The following GNG7 variants were observed in gnomAD, a reference collection of about 807,000 sequenced individuals.
GNG7 encodes the protein guanine nucleotide-binding protein G(I)/G(S)/G(O) subunit gamma-7.
GNG7 carries 1 observed loss-of-function variant against 4.0 expected under a neutral mutation model. The observed-to-expected ratio is 0.25, with a 90% CI of 0.09 to 1.18. The LOEUF is 1.18. GNG7 is among the 50% of genes most tolerant of loss of function. GNG7 has a pLI of 0.50. For missense variants in GNG7, 86 were observed against 91.9 expected, an observed-to-expected ratio of 0.94 and a Z score of 0.26; for synonymous variants, 34 against 36.9, an observed-to-expected ratio of 0.92 and a Z score of 0.29.
chr19:2,642,794 A>G (rs1217300203), intron 2 of GNG7: 1 of 456,778 alleles, frequency 2.2e-6, no homozygotes, highest in Non-Finnish European at 4.4e-6. Flanking sequence ...GCGCCCGGCC[A>G]GAACTGAATG....
intron 2 of GNG7, among the ~76,000 whole-genome samples, chr19:2,558,232 T>G (rs1265830061): frequency 1.0e-5 from 1 of 99,668 alleles, no homozygotes. Flanking sequence ...GGCACCGTGT[T>G]TTTTTGTTTT....
In GNG7 at chr19:2,587,050, G is replaced by A. The variant is rs537080082; in HGVS notation, c.-77-31862C>T. Among the ~76,000 whole-genome samples, 8 of 150,542 alleles carry A rather than the reference G, an allele frequency of 5.3e-5. No individual in the cohort carries two copies. In the East Asian group the frequency reaches 1.4e-3, roughly 26 times the overall value. ...ATCATAATGACAGTGGAGAATCCTG[G>A]CATCCACTACCACGCAACACCACAT... On this transcript the variant is annotated intron_variant, in intron 2 of 4. Transcript: ENST00000382159.
Position 2,600,072 on chromosome 19 carries a change from T to C in GNG7, c.-77-44884A>G, listed in dbSNP as rs549664382. Among the ~76,000 whole-genome samples, 4 of 151,346 alleles carry C rather than the reference T, an allele frequency of 2.6e-5. No homozygotes were observed. In the East Asian group the frequency reaches 7.7e-4, roughly 29 times the overall value. ...ATAAAGCTGTCATATAAAATAAATA[T>C]ATATAAATATGATGCCAAAATATAT... On this transcript the variant is annotated intron_variant, in intron 2 of 4. Transcript: ENST00000382159.
chr19:2,540,665 A>T (rs1978930093), intron 3 of GNG7, among the ~76,000 whole-genome samples: 1 of 151,952 alleles, frequency 6.6e-6, no homozygotes. Flanking sequence ...AGAAGTCCAA[A>T]CCTGCCTGGC....
rs372660514 is a variant in GNG7, at chr19:2,609,366, T to C, written c.-78+36858A>G. Among the ~76,000 whole-genome samples the C allele has an allele frequency of 1.7e-3, 258 of 152,224 alleles. No homozygotes were observed. The highest frequency in any genetic ancestry group is 5.9e-3 in the African/African-American group (246 of 41,542). ...TAAAGTGTTATTTCATCTTGGTCGC[T>C]GAGGTTTTTTAGCGCCCCCTTCAAT... is the stretch of plus-strand genomic sequence containing the variant. On this transcript the variant is annotated intron_variant, in intron 2 of 4. Transcript: ENST00000382159. The surrounding 1 kb of genome is among the most constrained non-coding windows in gnomAD (Gnocchi z 4.4).
intron 2 of GNG7, among the ~76,000 whole-genome samples, chr19:2,575,527 GCACACGCAGA>G (rs372801857): frequency 8.7e-4 from 123 of 141,392 alleles, no homozygotes; most frequent in African/African-American, 3.1e-3. Context: ...ACACACGCAG[GCACACGCAGA>G]CAGGCAGGCA....
intron 2 of GNG7, among the ~76,000 whole-genome samples, chr19:2,591,083 G>A (rs1428889562): frequency 1.3e-5 from 2 of 152,166 alleles, no homozygotes; most frequent in Admixed American, 6.5e-5. Context: ...AGTTGAGCAC[G>A]ATATAAGTAT....
intron 2 of GNG7, among the ~76,000 whole-genome samples, chr19:2,565,538 T>G (rs980947155): frequency 6.7e-6 from 1 of 148,524 alleles, no homozygotes; most frequent in Non-Finnish European, 1.5e-5. Flanking sequence ...AAACAAAAGC[T>G]GTTTGCGTCA....
rs192699412 is a variant in GNG7 at position 2,631,738 on chromosome 19, G to A, written c.-78+14486C>T. ...AGGGCCAGACTGGGCCTGGGGTGGG[G>A]GCACAGCATGTCTGTGGCTGTATGC... On this transcript the variant is annotated intron_variant, in intron 2 of 4. Transcript: ENST00000382159. Among the ~76,000 whole-genome samples, 423 of 152,218 alleles carry A rather than the reference G, an allele frequency of 2.8e-3. 1 individual carries two copies. Among genetic ancestry groups the A allele is most frequent in the African/African-American group, 9.8e-3 (407 of 41,532 alleles).
intron 1 of GNG7, among the ~76,000 whole-genome samples, chr19:2,665,472 C>A (rs1983286939): frequency 6.6e-6 from 1 of 151,808 alleles, no homozygotes; most frequent in South Asian, 2.1e-4. Context: ...GGAAGAGGGC[C>A]ATGCGGGACA....
rs1979118009 is a variant in GNG7 at position 2,546,146 on chromosome 19, C to T, written c.-38+9003G>A. ...ACCAGGACGCCAAAGAGGGGACCCA[C>T]GCAGAGCCCGGGGAGCCCGACTGAA... is the stretch of plus-strand genomic sequence containing the variant. On this transcript the variant is annotated intron_variant, in intron 3 of 4. Coordinates refer to ENST00000382159, the MANE Select transcript of GNG7 (RefSeq NM_052847.3). The surrounding 1 kb of genome is among the most constrained non-coding windows in gnomAD (Gnocchi z 6.3). Among the ~76,000 whole-genome samples, 1 of 152,316 alleles carries T rather than the reference C, an allele frequency of 6.6e-6. No homozygotes were observed. Among genetic ancestry groups the T allele is most frequent in the South Asian group, 2.1e-4 (1 of 4,824 alleles).
At chr19:2,663,442 G>C (rs551132519) in intron 1 of GNG7, among the ~76,000 whole-genome samples, 1 of 151,190 alleles carries the variant, frequency 6.6e-6, no homozygotes, top group Non-Finnish European at 1.5e-5. Flanking sequence ...CTCACCAGAT[G>C]CCAGCACCTC....
At chr19:2,589,795 A>G (rs745918969) in intron 2 of GNG7, among the ~76,000 whole-genome samples, 9 of 152,166 alleles carry the variant, frequency 5.9e-5, no homozygotes, top group Non-Finnish European at 7.4e-5. Context: ...AAAAGGCCAC[A>G]CAGTGTGTGA....
chr19:2,657,399 T>TATATATATATATATATATAC (rs1332253018), intron 1 of GNG7, among the ~76,000 whole-genome samples: 2 of 80,738 alleles, frequency 2.5e-5, no homozygotes, highest in East Asian at 2.5e-4. Context: ...TATATATATA[T>TATATATATATATATATATAC]ACACATAATA....
At chr19:2,702,417 T>C in intron 1 of GNG7, among the ~76,000 whole-genome samples, 1 of 50,980 alleles carries the variant, frequency 2.0e-5, no homozygotes, top group African/African-American at 8.0e-5. Context: ...GCAGTCCCAA[T>C]CCCCAACCCC....
In GNG7 at chr19:2,702,627, G is replaced by C. The variant is rs1378351106; in HGVS notation, c.-135+19C>G. 1 of 151,706 alleles carries C rather than the reference G, an allele frequency of 6.6e-6. No individual in the cohort carries two copies. The highest frequency in any genetic ancestry group is 1.5e-5 in the Non-Finnish European group (1 of 67,802). The allele number at this position is 151,706 out of a possible 1,614,324, so 9.4% of individuals were successfully genotyped here. ...GCCGCGCCCTCACTTCCCCTGGCCC[G>C]GTTCGCGGGCGCCCTTACCTGCGCT... is the stretch of plus-strand genomic sequence containing the variant. On this transcript the variant is annotated intron_variant, in intron 1 of 4. Coordinates refer to ENST00000382159, the MANE Select transcript of GNG7 (RefSeq NM_052847.3).
intron 3 of GNG7, among the ~76,000 whole-genome samples, chr19:2,530,258 C>T (rs1383164735): frequency 6.7e-6 from 1 of 149,274 alleles, no homozygotes; most frequent in Non-Finnish European, 1.5e-5. Flanking sequence ...GCTAAAAATA[C>T]AAAAATTAGC....
At chr19:2,570,653 G>C (rs938037126) in intron 2 of GNG7, among the ~76,000 whole-genome samples, 1 of 152,182 alleles carries the variant, frequency 6.6e-6, no homozygotes, top group Non-Finnish European at 1.5e-5. Flanking sequence ...CAGCCCAGGA[G>C]CCAAGTCTCA....
Position 2,618,963 on chromosome 19 carries a change from TTTGGTATTTCC to T in GNG7, c.-78+27250_-78+27260del, listed in dbSNP as rs1981795542. Among the ~76,000 whole-genome samples, 2 of 152,204 alleles carry T rather than the reference TTTGGTATTTCC, an allele frequency of 1.3e-5. No individual in the cohort carries two copies. The highest frequency in any genetic ancestry group is 4.8e-5 in the African/African-American group (2 of 41,448). On this transcript the variant is annotated intron_variant, in intron 2 of 4. Coordinates refer to ENST00000382159, the MANE Select transcript of GNG7 (RefSeq NM_052847.3). This position sits in a 1 kb window ranked among gnomAD's most constrained non-coding sequence, Gnocchi z 5.1. Reference sequence around the variant, plus strand: ...TGGGCTCTCAGTTTCTTGGTCTTTCTTTGGTATTTCCATGAACTTTTTTGTTTGTCTCTTTA... The same window carrying T: ...TGGGCTCTCAGTTTCTTGGTCTTTCTATGAACTTTTTTGTTTGTCTCTTTA...
Sources: gnomAD v4.1 joint callset for allele counts (sites outside exome capture counted in the v4.1 genomes callset) on GRCh38, gnomAD v4.1.1 for gene constraint, Gnocchi (gnomAD v3.1) non-coding constraint, MANE v1.5 for transcripts, NCBI Gene and HGNC (gene_info 2026-07-23, HGNC 2026-07-21) for gene names.